Variants in RNFT2 observed in about 807,000 individuals in gnomAD.
RNFT2 encodes the protein E3 ubiquitin-protein ligase RNFT2.
Under a neutral mutation model 53.0 loss-of-function variants are expected in RNFT2, and 36 were observed. The ratio of observed to expected loss-of-function variants is 0.68; its 90% CI spans 0.52 to 0.90. The LOEUF is 0.90. Among genes scored for constraint, RNFT2 ranks in the 40% least tolerant of loss-of-function variants. The pLI, the probability that RNFT2 is intolerant of heterozygous loss-of-function variation, is 0.00. For synonymous variants in RNFT2, 260 were observed against 253.2 expected (o/e 1.03, Z -0.26); for missense variants, 514 against 585.6 (o/e 0.88, Z 1.26).
At chr12:116,780,392 C>T (rs954835826) in intron 7 of RNFT2, among the ~76,000 whole-genome samples, 6 of 152,172 alleles carry the variant, frequency 3.9e-5, no homozygotes, top group Non-Finnish European at 7.4e-5. Flanking sequence ...TCATCCCTCA[C>T]ATGTGCAGTT....
In RNFT2 at chr12:116,789,440, A is replaced by AGATG. The variant is rs200853523; in HGVS notation, c.882+10114_882+10117dup. On this transcript the variant is annotated intron_variant, in intron 7 of 10. Transcript: ENST00000257575. ...GGAGAGTGGTGGGTGGATGGATGGT[A>AGATG]GATGGATGGATGGATGGATGGATGG... 9.0e-3 allele frequency among the ~76,000 whole-genome samples: 1,147 copies of AGATG among 126,876 alleles called. 36 individuals are homozygous for AGATG. Among genetic ancestry groups the AGATG allele is most frequent in the East Asian group, 0.077 (267 of 3,476 alleles). 83.2% of individuals were successfully genotyped at this position (126,876 alleles called of 152,430 possible). A position where few individuals can be genotyped will look rare whatever the true frequency, so the allele number is the denominator to read the frequency against.
intron 7 of RNFT2, among the ~76,000 whole-genome samples, chr12:116,786,802 G>A (rs1410014285): frequency 2.6e-5 from 4 of 152,152 alleles, no homozygotes; most frequent in South Asian, 4.1e-4. Flanking sequence ...AGGTGTCAGC[G>A]GGGCTGCACT....
chr12:116,745,772 C>G (rs981564402), intron 3 of RNFT2, among the ~76,000 whole-genome samples: 2 of 152,184 alleles, frequency 1.3e-5, no homozygotes, highest in African/African-American at 4.8e-5. Context: ...GTTTAGTATG[C>G]CTGTTCATGT....
chr12:116,745,088 G>A (rs1045762743), intron 3 of RNFT2, among the ~76,000 whole-genome samples: 7 of 151,616 alleles, frequency 4.6e-5, no homozygotes, highest in East Asian at 1.9e-4. Flanking sequence ...GAGGAGGAGC[G>A]CATATTTCCT....
chr12:116,775,590 A>G (rs1473833124), intron 6 of RNFT2, among the ~76,000 whole-genome samples: 2 of 152,214 alleles, frequency 1.3e-5, no homozygotes, highest in African/African-American at 2.4e-5. Flanking sequence ...AGCCTTCCCT[A>G]GTTTCCTGAT....
chr12:116,779,492 G>A (rs1408109770), intron 7 of RNFT2, 144 bp downstream of exon 7: 4 of 835,642 alleles, frequency 4.8e-6, no homozygotes. Context: ...CATAGCTCCT[G>A]TCACCCACCT....
intron 4 of RNFT2, 108 bp downstream of exon 4, chr12:116,750,415 A>G: frequency 9.6e-7 from 1 of 1,040,618 alleles, no homozygotes; most frequent in Non-Finnish European, 1.4e-6. Flanking sequence ...GGCAGCAGAG[A>G]CCAACATGGG....
intron 7 of RNFT2, among the ~76,000 whole-genome samples, chr12:116,829,945 A>G (rs1876552981): frequency 6.6e-6 from 1 of 151,982 alleles, no homozygotes; most frequent in Admixed American, 6.6e-5. Context: ...GAGCATAAAA[A>G]CACAAAGAGA....
At chr12:116,847,839 TA>T (rs1877699054) in intron 10 of RNFT2, among the ~76,000 whole-genome samples, 1 of 152,076 alleles carries the variant, frequency 6.6e-6, no homozygotes, top group Non-Finnish European at 1.5e-5. Flanking sequence ...CTCTCTTTTT[TA>T]AAAAATTTAA....
chr12:116,829,504 G>A (rs1343756327), intron 7 of RNFT2, among the ~76,000 whole-genome samples: 1 of 152,170 alleles, frequency 6.6e-6, no homozygotes, highest in Non-Finnish European at 1.5e-5. Context: ...TCAGGCAGGG[G>A]GTGAGTGATG....
At chr12:116,841,855 A>AGAGAG (rs1565876093) in intron 10 of RNFT2, among the ~76,000 whole-genome samples, 1 of 24,538 alleles carries the variant, frequency 4.1e-5, no homozygotes, top group Non-Finnish European at 9.4e-5. Context: ...AAATATATAT[A>AGAGAG]AAAATATATA....
At chr12:116,784,675 G>GA (rs949228382) in intron 7 of RNFT2, among the ~76,000 whole-genome samples, 7 of 152,116 alleles carry the variant, frequency 4.6e-5, no homozygotes, top group Non-Finnish European at 8.8e-5. Context: ...CAATAACCTG[G>GA]AAAGGACCTC....
At chr12:116,817,681 G>T (rs1875757409) in intron 7 of RNFT2, among the ~76,000 whole-genome samples, 1 of 152,180 alleles carries the variant, frequency 6.6e-6, no homozygotes, top group African/African-American at 2.4e-5. Flanking sequence ...GGACTTCACT[G>T]TAAGTAAAGT....
intron 7 of RNFT2, among the ~76,000 whole-genome samples, chr12:116,809,369 G>A (rs7316436): frequency 0.019 from 2,919 of 152,232 alleles, 51 homozygotes; most frequent in Middle Eastern, 0.034. Context: ...GTGAGGTTTC[G>A]GCAACTCCTT....
intron 3 of RNFT2, among the ~76,000 whole-genome samples, chr12:116,743,315 G>A (rs1016447365): frequency 3.4e-5 from 5 of 146,708 alleles, no homozygotes; most frequent in East Asian, 2.0e-4. Context: ...CACCAAGGCT[G>A]GAGTGCAGTA....
rs142455219 is a variant in RNFT2 at position 116,800,812 on chromosome 12, T to TCAAAATAAAATAAATAAAATAAAA, written c.882+21464_882+21465insCAAAATAAAATAAATAAAATAAAA. On this transcript the variant is annotated intron_variant, in intron 7 of 10. Transcript: ENST00000257575. Reference sequence around the variant, plus strand: ...CCAGGTGACAGAGCAAGACTCCATCTTAAAATAAAATAAAATAAAATAAAA... The same window carrying TCAAAATAAAATAAATAAAATAAAA: ...CCAGGTGACAGAGCAAGACTCCATCTCAAAATAAAATAAATAAAATAAAATAAAATAAAATAAAATAAAATAAAA... Among the ~76,000 whole-genome samples the TCAAAATAAAATAAATAAAATAAAA allele has an allele frequency of 2.6e-5, 3 of 114,790 alleles. 1 individual carries two copies. Among genetic ancestry groups the TCAAAATAAAATAAATAAAATAAAA allele is most frequent in the African/African-American group, 1.0e-4 (3 of 29,700 alleles). 75.3% of individuals were successfully genotyped at this position (114,790 alleles called of 152,430 possible).
intron 7 of RNFT2, among the ~76,000 whole-genome samples, chr12:116,821,449 G>C (rs1041722751): frequency 3.3e-5 from 5 of 152,232 alleles, no homozygotes; most frequent in Non-Finnish European, 7.3e-5. Flanking sequence ...GACTCTGCCA[G>C]CTGTGGTCCC....
chr12:116,754,033 C>T lies in RNFT2; in HGVS notation c.600C>T (p.Ser200=). Residue 200 remains serine, a synonymous_variant, in exon 5 of 11, where the codon TCC becomes TCT. Transcript: ENST00000257575. The stretch of plus-strand genomic sequence containing the variant: ...CCAGCACCTTCGCCTATGCCAACTC[C>T]ACGCTTCGAGAACAGGTCTCACTGA... ...GMASTFAYAN[S]TLREQVSLKE... 6.2e-7 allele frequency: 1 copy of T among 1,613,882 alleles called. No homozygotes were observed.
At chr12:116,829,888 C>T (rs920538539) in intron 7 of RNFT2, among the ~76,000 whole-genome samples, 6 of 152,012 alleles carry the variant, frequency 3.9e-5, no homozygotes, top group African/African-American at 1.4e-4. Flanking sequence ...GACTCATTTC[C>T]CCTCTAATTT....
Sources: allele counts gnomAD v4.1 joint callset (sites outside exome capture counted in the v4.1 genomes callset), GRCh38; gene constraint gnomAD v4.1.1; transcripts MANE v1.5; gene names NCBI Gene and HGNC (gene_info 2026-07-23, HGNC 2026-07-21).